Variants in GRM5 observed in about 807,000 individuals in gnomAD.
The protein encoded by GRM5 is glutamate metabotropic receptor 5.
GRM5 carries 19 observed loss-of-function variants against 83.1 expected under a neutral mutation model. The ratio of observed to expected loss-of-function variants is 0.23; its 90% CI spans 0.16 to 0.34. The LOEUF (loss-of-function observed/expected upper bound fraction) is 0.34. Among genes scored for constraint, GRM5 ranks in the 10% least tolerant of loss-of-function variants. GRM5 has a pLI of 1.00. For synonymous variants in GRM5, 675 were observed against 633.6 expected (o/e 1.07, Z -0.98); for missense variants, 1,160 against 1,588.3 (o/e 0.73, Z 4.58).
chr11:88,604,981 T>G lies in GRM5; in HGVS notation c.1148-17A>C. 6.2e-7 allele frequency: 1 copy of G among 1,604,008 alleles called. No individual in the cohort carries two copies. The highest frequency in any genetic ancestry group is 8.5e-7 in the Non-Finnish European group (1 of 1,171,738). On this transcript the variant is annotated splice_polypyrimidine_tract_variant and intron_variant, in intron 4 of 9. Coordinates refer to ENST00000305447, the MANE Select transcript of GRM5 (RefSeq NM_001143831.3). ...TCAGAGAACCTGTTGGGAAACAAAT[T>G]AAGCATAGCTTTGAGGTACAAATCT...
intron 2 of GRM5, among the ~76,000 whole-genome samples, chr11:88,904,648 C>A (rs1244144716): frequency 1.3e-5 from 2 of 152,098 alleles, no homozygotes; most frequent in African/African-American, 4.8e-5. Context: ...CTCATGTAAA[C>A]CTACAGATAC....
At chr11:88,570,571 A>ATATATATATATATATATTTTTTT (rs1405339448) in intron 7 of GRM5, among the ~76,000 whole-genome samples, 3 of 46,376 alleles carry the variant, frequency 6.5e-5, no homozygotes, top group Non-Finnish European at 1.1e-4. Context: ...ATATATATAT[A>ATATATATATATATATATTTTTTT]TTTTTTTTTT....
At chr11:88,944,330 G>C (rs566699344) in intron 2 of GRM5, among the ~76,000 whole-genome samples, 3 of 152,078 alleles carry the variant, frequency 2.0e-5, no homozygotes, top group South Asian at 2.1e-4. Context: ...GTGTGTGCAT[G>C]AGTGTGTTTG....
chr11:88,839,559 G>A (rs1210507828), intron 3 of GRM5, among the ~76,000 whole-genome samples: 1 of 152,136 alleles, frequency 6.6e-6, no homozygotes, highest in African/African-American at 2.4e-5. Flanking sequence ...AGAAATACAA[G>A]TGCTTTTCAC....
At chr11:88,612,131 C>T (rs890329966) in intron 4 of GRM5, among the ~76,000 whole-genome samples, 1 of 141,378 alleles carries the variant, frequency 7.1e-6, no homozygotes, top group Non-Finnish European at 1.5e-5. Flanking sequence ...CCCCATCCCA[C>T]CACAGTCCCC....
intron 8 of GRM5, among the ~76,000 whole-genome samples, chr11:88,543,789 T>C (rs765566562): frequency 6.6e-6 from 1 of 152,064 alleles, no homozygotes; most frequent in Non-Finnish European, 1.5e-5. Context: ...GGGGGAAGGA[T>C]GGTATTGTAT....
At chr11:89,039,685 C>T (rs996129485) in intron 2 of GRM5, among the ~76,000 whole-genome samples, 2 of 152,148 alleles carry the variant, frequency 1.3e-5, no homozygotes, top group African/African-American at 4.8e-5. Flanking sequence ...GTAAATATAT[C>T]AGATACCTAA....
intron 3 of GRM5, among the ~76,000 whole-genome samples, chr11:88,750,429 A>T (rs1942244721): frequency 6.6e-6 from 1 of 152,204 alleles, no homozygotes; most frequent in Admixed American, 6.5e-5. Flanking sequence ...GAGCACCTGG[A>T]TTCATAAAGC....
At chr11:88,758,954 C>A (rs943151508) in intron 3 of GRM5, among the ~76,000 whole-genome samples, 1 of 152,058 alleles carries the variant, frequency 6.6e-6, no homozygotes, top group Non-Finnish European at 1.5e-5. Flanking sequence ...AAAAGAAATT[C>A]GAACCCAGAA....
intron 3 of GRM5, among the ~76,000 whole-genome samples, chr11:88,843,817 T>C (rs1370051184): frequency 1.3e-5 from 2 of 152,190 alleles, no homozygotes; most frequent in Non-Finnish European, 2.9e-5. Context: ...ATGGTCTTGA[T>C]AGAAGATCAA....
chr11:88,730,018 A>G (rs2135405341), intron 3 of GRM5, among the ~76,000 whole-genome samples: 1 of 152,344 alleles, frequency 6.6e-6, no homozygotes, highest in Admixed American at 6.5e-5. Context: ...ACAAAAGCCA[A>G]AATTGACAAA....
chr11:89,044,372 C>G (rs999972499), intron 2 of GRM5, among the ~76,000 whole-genome samples: 5 of 152,026 alleles, frequency 3.3e-5, no homozygotes, highest in Non-Finnish European at 4.4e-5. Context: ...CAGTAAATAC[C>G]CAGTCACACA....
At chr11:88,715,134 A>G (rs1227625936) in intron 3 of GRM5, among the ~76,000 whole-genome samples, 1 of 152,054 alleles carries the variant, frequency 6.6e-6, no homozygotes, top group Non-Finnish European at 1.5e-5. Flanking sequence ...TGTAAATAAA[A>G]GCATTACTAG....
chr11:88,831,403 G>A (rs1440670136), intron 3 of GRM5, among the ~76,000 whole-genome samples: 1 of 152,190 alleles, frequency 6.6e-6, no homozygotes, highest in Non-Finnish European at 1.5e-5. Flanking sequence ...TTTTGCCACT[G>A]AAAGCAACTC....
chr11:88,732,181 T>C (rs904493), intron 3 of GRM5, among the ~76,000 whole-genome samples: 97,503 of 151,820 alleles, frequency 0.64, 33,408 homozygotes, highest in South Asian at 0.84. Context: ...ATTGTTGAAA[T>C]GTAGTCTCCT....
intron 3 of GRM5, among the ~76,000 whole-genome samples, chr11:88,722,826 A>T (rs2135397400): frequency 6.6e-6 from 1 of 152,260 alleles, no homozygotes; most frequent in Admixed American, 6.5e-5. Context: ...ATTATTGTAG[A>T]ATAGTTGTTA....
At chr11:88,531,134 G>A (rs1258649012) in intron 8 of GRM5, among the ~76,000 whole-genome samples, 1 of 152,092 alleles carries the variant, frequency 6.6e-6, no homozygotes, top group African/African-American at 2.4e-5. Flanking sequence ...TTGTATGTAA[G>A]GGTGTGATAT....
intron 2 of GRM5, among the ~76,000 whole-genome samples, chr11:88,939,496 G>A (rs1938013668): frequency 6.6e-6 from 1 of 151,664 alleles, no homozygotes; most frequent in South Asian, 2.1e-4. Flanking sequence ...GCATATGTGG[G>A]CAACAAAGGA....
At chr11:88,796,899 CGTGTGTGTGTGTGTGTGT>C (rs36203408) in intron 3 of GRM5, among the ~76,000 whole-genome samples, 1,473 of 143,532 alleles carry the variant, frequency 0.01, 24 homozygotes, top group African/African-American at 0.036. Context: ...CACACACACA[CGTGTGTGTGTGTGTGTGT>C]GTGTGTGTGT....
Sources: gnomAD v4.1 joint callset for allele counts (sites outside exome capture counted in the v4.1 genomes callset) on GRCh38, gnomAD v4.1.1 for gene constraint, MANE v1.5 for transcripts, NCBI Gene and HGNC (gene_info 2026-07-23, HGNC 2026-07-21) for gene names.